The following HPS3 variants were observed in gnomAD, a reference collection of about 807,000 sequenced individuals.
HPS3 encodes BLOC-2 complex member HPS3.
Under a neutral mutation model 110.9 loss-of-function variants are expected in HPS3, and 79 were observed. That is an observed-to-expected ratio of 0.71 (90% CI 0.59 to 0.86). The LOEUF (loss-of-function observed/expected upper bound fraction) is 0.86. Ranked by LOEUF, HPS3 falls within the 40% of genes least tolerant of loss-of-function variation. The pLI, the probability that HPS3 is intolerant of heterozygous loss-of-function variation, is 0.00. For synonymous variants in HPS3, 428 were observed against 451.0 expected, an observed-to-expected ratio of 0.95 and a Z score of 0.65; for missense variants, 1,197 against 1,206.2, an observed-to-expected ratio of 0.99 and a Z score of 0.11.
intron 1 of HPS3, among the ~76,000 whole-genome samples, chr3:149,133,857 T>TAC (rs1297388670): frequency 2.9e-4 from 44 of 152,346 alleles, no homozygotes; most frequent in Middle Eastern, 6.8e-3. Context: ...TATAATCTAG[T>TAC]ACAAACATAA....
At chr3:149,136,358 A>T (rs1229427427) in intron 1 of HPS3, among the ~76,000 whole-genome samples, 2 of 152,196 alleles carry the variant, frequency 1.3e-5, no homozygotes, top group South Asian at 4.2e-4. Flanking sequence ...GGAGCAAGAC[A>T]CTTAAATTTA....
chr3:149,133,685 G>A (rs1721904256), intron 1 of HPS3, among the ~76,000 whole-genome samples: 2 of 152,264 alleles, frequency 1.3e-5, no homozygotes, highest in African/African-American at 4.8e-5. Flanking sequence ...ATCAGCATCG[G>A]GGCAAGACCC....
chr3:149,145,210 A>G (rs1722717304), intron 4 of HPS3, 144 bp from the exon 5 acceptor site: 5 of 668,252 alleles, frequency 7.5e-6, no homozygotes, highest in Non-Finnish European at 1.3e-5. Flanking sequence ...TTTCTTACCA[A>G]CATTCTTCTA....
chr3:149,171,816 C>T (rs370854176), intron 16 of HPS3, among the ~76,000 whole-genome samples: 35 of 151,394 alleles, frequency 2.3e-4, no homozygotes, highest in African/African-American at 7.0e-4. Context: ...GCAATTCTCC[C>T]GCCTCAGCCT....
chr3:149,173,606 T>C lies in HPS3; in HGVS notation c.*1384T>C. On this transcript the variant is annotated 3_prime_UTR_variant, in exon 17 of 17. Transcript: ENST00000296051. ...AAAGTTGTATGCTTCCAGTCTTCTT[T>C]TAATGTTTATAGTCATTCCAAAGTA... 1 of 769,928 alleles carries C rather than the reference T, an allele frequency of 1.3e-6. No individual in the cohort carries two copies. The highest frequency in any genetic ancestry group is 2.1e-6 in the Non-Finnish European group (1 of 470,238). 47.7% of individuals were successfully genotyped at this position (769,928 alleles called of 1,614,324 possible).
chr3:149,150,155 A>G (rs1226026767), intron 5 of HPS3, among the ~76,000 whole-genome samples: 4 of 152,196 alleles, frequency 2.6e-5, no homozygotes, highest in Admixed American at 2.0e-4. Flanking sequence ...GATGGATTTC[A>G]TCATGAGGTG....
chr3:149,131,069 C>A (rs1297421607), intron 1 of HPS3, among the ~76,000 whole-genome samples: 2 of 151,436 alleles, frequency 1.3e-5, no homozygotes, highest in Non-Finnish European at 2.9e-5. Context: ...TAATCCCTAC[C>A]CCGCAGCTGG....
intron 5 of HPS3, 131 bp from the exon 6 acceptor site, chr3:149,150,468 C>G (rs576526457): frequency 1.4e-6 from 1 of 727,294 alleles, no homozygotes; most frequent in African/African-American, 1.7e-5. Context: ...AGAAGTTTAA[C>G]TTGGCAATAT....
rs766853921 is a variant in HPS3 at position 149,141,030 on chromosome 3, A to G, written c.726A>G (p.Glu242=). 6.2e-7 allele frequency: 1 copy of G among 1,613,982 alleles called. No homozygotes were observed. The highest frequency in any genetic ancestry group is 1.1e-5 in the South Asian group (1 of 91,034). ...IRRTEEGISN[E]ISQLESDDFV... ...TATTTTTTTAAGGCATCAGTAATGA[A>G]ATTTCACAGCTTGAGTCAGATGATT... Residue 242 remains glutamate (E), a synonymous_variant, in exon 3 of 17, where the codon GAA becomes GAG. Coordinates refer to ENST00000296051, the MANE Select transcript of HPS3 (RefSeq NM_032383.5).
rs542365043 is a variant in HPS3 at position 149,153,231 on chromosome 3, G to A, written c.1246-263G>A. Among the ~76,000 whole-genome samples, 6 of 152,262 alleles carry A rather than the reference G, an allele frequency of 3.9e-5. No homozygotes were observed. In the South Asian group the frequency reaches 6.2e-4, roughly 16 times the overall value. On this transcript the variant is annotated intron_variant, in intron 6 of 16. Transcript: ENST00000296051. ...CCTGCAGCTGTGGGACCCTCTTTCC[G>A]TATTTATTCAATCAATCAATAACTG...
At chr3:149,143,169 A>G (rs779364911) in intron 4 of HPS3, among the ~76,000 whole-genome samples, 11 of 152,160 alleles carry the variant, frequency 7.2e-5, no homozygotes, top group African/African-American at 1.2e-4. Context: ...CTCCAAATCC[A>G]TTCCATGGCG....
chr3:149,136,150 C>G (rs982396545), intron 1 of HPS3, among the ~76,000 whole-genome samples: 1 of 151,516 alleles, frequency 6.6e-6, no homozygotes, highest in Non-Finnish European at 1.5e-5. Context: ...AACCCTGTTT[C>G]TACATATGTG....
intron 14 of HPS3, among the ~76,000 whole-genome samples, chr3:149,164,892 G>A (rs942627921): frequency 6.6e-6 from 1 of 152,052 alleles, no homozygotes; most frequent in African/African-American, 2.4e-5. Context: ...TTAGGCTTTT[G>A]AATTTGCAAT....
chr3:149,171,994 C>CA, intron 16 of HPS3, 101 bp from the exon 17 acceptor site: 1 of 1,188,262 alleles, frequency 8.4e-7, no homozygotes, highest in Non-Finnish European at 1.2e-6. Context: ...CGTGAGCCAC[C>CA]ACGCCTGGCC....
intron 1 of HPS3, among the ~76,000 whole-genome samples, 162 bp from the exon 2 acceptor site, chr3:149,139,842 T>G (rs908896493): frequency 1.3e-5 from 2 of 152,228 alleles, no homozygotes; most frequent in Middle Eastern, 3.2e-3. Context: ...AAGCCTAATG[T>G]CAGTCAAAAA....
chr3:149,172,787 TC>T lies in HPS3; in HGVS notation c.*566del. The T allele has an allele frequency of 6.5e-6, 1 of 152,900 alleles. No homozygotes were observed. Among genetic ancestry groups the T allele is most frequent in the South Asian group, 2.1e-4 (1 of 4,836 alleles). 9.5% of individuals were successfully genotyped at this position (152,900 alleles called of 1,614,324 possible). On this transcript the variant is annotated 3_prime_UTR_variant, in exon 17 of 17. Transcript: ENST00000296051. ...AAAACTCATGCTCTGTTTCTCTGAA[TC>T]AAATGAAGTAGAAGTTTACAAAGCT...
chr3:149,130,003 C>T (rs1431535953), intron 1 of HPS3, 63 bp downstream of exon 1: 2 of 1,436,590 alleles, frequency 1.4e-6, no homozygotes, highest in Non-Finnish European at 9.4e-7. Context: ...AGCTAGCGGA[C>T]CGAACGTCTG....
chr3:149,146,975 G>C (rs1359472364), intron 5 of HPS3, among the ~76,000 whole-genome samples: 1 of 152,138 alleles, frequency 6.6e-6, no homozygotes, highest in East Asian at 1.9e-4. Flanking sequence ...ATTGAACATA[G>C]ATAAATAAGC....
At chr3:149,157,292 C>G in intron 8 of HPS3, 58 bp from the exon 9 acceptor site, 1 of 1,432,750 alleles carries the variant, frequency 7.0e-7, no homozygotes, top group Non-Finnish European at 9.8e-7. Context: ...TTTTTAAGAA[C>G]TCAGGAACTT....
Sources: allele counts gnomAD v4.1 joint callset (sites outside exome capture counted in the v4.1 genomes callset), GRCh38; gene constraint gnomAD v4.1.1; transcripts MANE v1.5; gene names NCBI Gene and HGNC (gene_info 2026-07-23, HGNC 2026-07-21).